The following ARL15 variants were observed in gnomAD, a reference collection of about 807,000 sequenced individuals.
The protein encoded by ARL15 is ADP-ribosylation factor-like protein 15.
In ARL15, 19 loss-of-function variants were observed where a neutral mutation model predicts 25.2. The observed-to-expected ratio is 0.75, with a 90% CI of 0.53 to 1.10. The LOEUF (loss-of-function observed/expected upper bound fraction) is 1.10, where lower values mean the gene tolerates loss of function less well. Among genes scored for constraint, ARL15 ranks in the 50% least tolerant of loss-of-function variants. The pLI, the probability that ARL15 is intolerant of heterozygous loss-of-function variation, is 0.00. For missense variants in ARL15, 220 were observed against 246.0 expected (o/e 0.89, Z 0.71); for synonymous variants, 94 against 86.8 (o/e 1.08, Z -0.46).
intron 4 of ARL15, among the ~76,000 whole-genome samples, chr5:54,033,065 C>T (rs938435612): frequency 1.3e-5 from 2 of 149,566 alleles, no homozygotes; most frequent in South Asian, 2.1e-4. Context: ...TGGTGGTGCA[C>T]GACTGTACTC....
At chr5:54,061,587 G>C (rs1751063541) in intron 4 of ARL15, among the ~76,000 whole-genome samples, 1 of 152,088 alleles carries the variant, frequency 6.6e-6, no homozygotes, top group Non-Finnish European at 1.5e-5. Flanking sequence ...GGCAACAAGA[G>C]CGAAACTCCA....
At chr5:54,237,823 A>G (rs1756850285) in intron 1 of ARL15, among the ~76,000 whole-genome samples, 1 of 152,194 alleles carries the variant, frequency 6.6e-6, no homozygotes, top group African/African-American at 2.4e-5. Flanking sequence ...TCTACGGTTA[A>G]TGTAGCATGT....
intron 3 of ARL15, among the ~76,000 whole-genome samples, chr5:54,141,387 A>C (rs1405594289): frequency 6.6e-6 from 1 of 151,976 alleles, no homozygotes; most frequent in Non-Finnish European, 1.5e-5. Context: ...AGCTTTTTTT[A>C]CCTTAATCTG....
At chr5:54,300,240 A>G (rs1758581705) in intron 1 of ARL15, among the ~76,000 whole-genome samples, 1 of 152,204 alleles carries the variant, frequency 6.6e-6, no homozygotes, top group African/African-American at 2.4e-5. Context: ...GATTGGGTAG[A>G]AAAGACCAGG....
chr5:53,982,680 T>A lies in ARL15; in HGVS notation c.463-95967A>T, dbSNP rs537452336. ...TGTGTCTTTATTGTAGAATGATTTA[T>A]AATCCTTTGGGTATATATCCAGTAA... On this transcript the variant is annotated intron_variant, in intron 4 of 4. Coordinates refer to ENST00000504924, the MANE Select transcript of ARL15 (RefSeq NM_019087.3). Among the ~76,000 whole-genome samples the A allele has an allele frequency of 4.6e-5, 7 of 152,330 alleles. No individual in the cohort carries two copies. In the South Asian group the frequency reaches 8.3e-4, roughly 18 times the overall value.
At chr5:54,090,171 T>C (rs1196796144) in intron 4 of ARL15, among the ~76,000 whole-genome samples, 1 of 152,114 alleles carries the variant, frequency 6.6e-6, no homozygotes, top group Non-Finnish European at 1.5e-5. Flanking sequence ...CCAACCCAAA[T>C]GTCCATCAAC....
At chr5:54,308,109 A>G (rs1274986685) in intron 1 of ARL15, among the ~76,000 whole-genome samples, 2 of 152,236 alleles carry the variant, frequency 1.3e-5, no homozygotes, top group Non-Finnish European at 2.9e-5. Flanking sequence ...GAGAAAAATA[A>G]TGTGTGGCAC....
intron 1 of ARL15, among the ~76,000 whole-genome samples, chr5:54,196,651 C>T (rs1316860460): frequency 6.6e-6 from 1 of 151,940 alleles, no homozygotes; most frequent in African/African-American, 2.4e-5. Flanking sequence ...GTGGGTAGAA[C>T]AGAAAACACA....
chr5:54,192,037 G>A (rs1755417388), intron 1 of ARL15, among the ~76,000 whole-genome samples: 1 of 152,004 alleles, frequency 6.6e-6, no homozygotes, highest in African/African-American at 2.4e-5. Context: ...GTTACTCCAA[G>A]CAACCTGGCC....
chr5:54,118,110 G>C (rs1403206463), intron 3 of ARL15, among the ~76,000 whole-genome samples: 1 of 152,130 alleles, frequency 6.6e-6, no homozygotes, highest in Non-Finnish European at 1.5e-5. Flanking sequence ...TTAATTAACT[G>C]AGTACAAAAA....
At position 53,884,096 on chromosome 5, in the gene ARL15, T is replaced by C. The variant is rs1744437066; in HGVS notation, c.*2465A>G. On this transcript the variant is annotated 3_prime_UTR_variant, in exon 5 of 5. Transcript: ENST00000504924. ...TTTTTAATAGAAAGACAGGGCAATATGGCAGTTAATTAGCAACCAATACTG... is the reference window on the plus strand; with the variant it reads ...TTTTTAATAGAAAGACAGGGCAATACGGCAGTTAATTAGCAACCAATACTG... 3 of 152,174 alleles carry C rather than the reference T, an allele frequency of 2.0e-5. No individual in the cohort carries two copies. The South Asian group carries it at 6.2e-4, about 31-fold the overall frequency. 9.4% of individuals were successfully genotyped at this position (152,174 alleles called of 1,614,324 possible).
chr5:54,019,069 A>G (rs1171547337), intron 4 of ARL15, among the ~76,000 whole-genome samples: 1 of 152,160 alleles, frequency 6.6e-6, no homozygotes, highest in Non-Finnish European at 1.5e-5. Context: ...ACTAAATTTA[A>G]TGAAAAAATA....
chr5:54,158,726 A>T (rs1754313934), intron 2 of ARL15, among the ~76,000 whole-genome samples: 1 of 152,110 alleles, frequency 6.6e-6, no homozygotes, highest in African/African-American at 2.4e-5. Flanking sequence ...TACAAAAATT[A>T]GCTGGGCGTG....
In ARL15 at chr5:54,202,133, T is replaced by G. The variant is rs1285271750; in HGVS notation, c.49-30205A>C. ...ATTTAACTTATTTCTTAGGCAAGTA[T>G]AATTAAGAAACAACCACTCATATTG... is the stretch of plus-strand genomic sequence containing the variant. On this transcript the variant is annotated intron_variant, in intron 1 of 4. Coordinates refer to ENST00000504924, the MANE Select transcript of ARL15 (RefSeq NM_019087.3). Among the ~76,000 whole-genome samples, 3 of 152,202 alleles carry G rather than the reference T, an allele frequency of 2.0e-5. No individual in the cohort carries two copies. The East Asian group carries it at 5.8e-4, about 29-fold the overall frequency.
At chr5:53,998,274 G>C (rs1302407397) in intron 4 of ARL15, among the ~76,000 whole-genome samples, 3 of 139,764 alleles carry the variant, frequency 2.1e-5, no homozygotes, top group African/African-American at 8.3e-5. Flanking sequence ...AAGTGTCCAG[G>C]GACATCAGGA....
intron 4 of ARL15, among the ~76,000 whole-genome samples, chr5:54,013,666 C>G (rs1334413759): frequency 1.3e-5 from 2 of 152,068 alleles, no homozygotes; most frequent in Non-Finnish European, 2.9e-5. Context: ...TAAGATTGGT[C>G]CTTTGAGATA....
At chr5:54,069,821 TCAC>T (rs1579762632) in intron 4 of ARL15, among the ~76,000 whole-genome samples, 2 of 151,408 alleles carry the variant, frequency 1.3e-5, no homozygotes, top group South Asian at 4.2e-4. Flanking sequence ...TTACAGGCAT[TCAC>T]CACCACATCT....
chr5:54,189,132 C>T (rs543938600), intron 1 of ARL15, among the ~76,000 whole-genome samples: 2 of 151,960 alleles, frequency 1.3e-5, no homozygotes, highest in South Asian at 4.2e-4. Context: ...AAAGCTTGTA[C>T]AATAAAAGCC....
intron 1 of ARL15, 145 bp from the exon 2 acceptor site, chr5:54,172,073 T>G (rs1579871371): frequency 1.0e-6 from 1 of 974,572 alleles, no homozygotes. Flanking sequence ...TTTAGAACAG[T>G]GAAACCTGGA....
Sources: gnomAD v4.1 joint callset for allele counts (sites outside exome capture counted in the v4.1 genomes callset) on GRCh38, gnomAD v4.1.1 for gene constraint, MANE v1.5 for transcripts, NCBI Gene and HGNC (gene_info 2026-07-23, HGNC 2026-07-21) for gene names.